CLDN16: variants seen among roughly 807,000 people sequenced by gnomAD.
CLDN16 encodes the protein claudin-16.
A neutral mutation model predicts 24.6 loss-of-function variants in CLDN16; 13 were observed. The observed-to-expected ratio is 0.53, with a 90% CI of 0.34 to 0.84. The LOEUF is 0.84. Ranked by LOEUF, CLDN16 falls within the 40% of genes least tolerant of loss-of-function variation. The pLI is 0.01. For synonymous variants in CLDN16, 116 were observed against 106.7 expected (o/e 1.09, Z -0.54); for missense variants, 298 against 292.7 (o/e 1.02, Z -0.13).
intron 1 of CLDN16, among the ~76,000 whole-genome samples, chr3:190,349,270 A>G (rs1319948732): frequency 6.6e-6 from 1 of 152,124 alleles, no homozygotes; most frequent in Non-Finnish European, 1.5e-5. Context: ...GTGAGTTCTC[A>G]TAAGAGCTGG....
intron 3 of CLDN16, among the ~76,000 whole-genome samples, chr3:190,406,531 G>C (rs1719100831): frequency 6.6e-6 from 1 of 152,106 alleles, no homozygotes; most frequent in South Asian, 2.1e-4. Flanking sequence ...AGGAATGACT[G>C]AAGAAATAAC....
intron 1 of CLDN16, among the ~76,000 whole-genome samples, chr3:190,389,017 C>T (rs373945840): frequency 6.6e-5 from 10 of 152,172 alleles, no homozygotes; most frequent in Middle Eastern, 3.4e-3. Context: ...TCCCAATGTA[C>T]GGGGGACAGG....
the CLDN16 span, among the ~76,000 whole-genome samples, chr3:190,303,877 C>T: frequency 8.3e-6 from 1 of 120,068 alleles, no homozygotes; most frequent in East Asian, 2.6e-4. Flanking sequence ...TTAACTCCTC[C>T]TTTTCCCCAC....
At chr3:190,308,874 T>C in the CLDN16 span, among the ~76,000 whole-genome samples, 3 of 152,180 alleles carry the variant, frequency 2.0e-5, no homozygotes, top group East Asian at 1.9e-4. Flanking sequence ...AGATGATCCA[T>C]TGGTCCCAGG....
At chr3:190,377,425 G>GTA (rs1718269674) in intron 3 of CLDN16, among the ~76,000 whole-genome samples, 2 of 151,778 alleles carry the variant, frequency 1.3e-5, no homozygotes, top group South Asian at 4.2e-4. Flanking sequence ...ATAAGAGTTT[G>GTA]TACTCTTGGG....
chr3:190,397,131 C>T (rs544977784), intron 1 of CLDN16, among the ~76,000 whole-genome samples: 8 of 152,152 alleles, frequency 5.3e-5, no homozygotes, highest in Non-Finnish European at 1.2e-4. Flanking sequence ...AATCTCTACA[C>T]ATTTTTGGCA....
intron 1 of CLDN16, among the ~76,000 whole-genome samples, chr3:190,347,951 A>G (rs1717587103): frequency 6.6e-6 from 1 of 151,910 alleles, no homozygotes; most frequent in Non-Finnish European, 1.5e-5. Flanking sequence ...TCGGTAGAAG[A>G]TGAGACCATG....
At chr3:190,331,534 T>C (rs1240707912) in intron 1 of CLDN16, among the ~76,000 whole-genome samples, 9 of 152,176 alleles carry the variant, frequency 5.9e-5, no homozygotes, top group Non-Finnish European at 7.4e-5. Context: ...AAAAATTCAG[T>C]TCCTCTGTTG....
chr3:190,396,655 T>C (rs1353342880), intron 1 of CLDN16, among the ~76,000 whole-genome samples: 2 of 152,152 alleles, frequency 1.3e-5, no homozygotes, highest in Non-Finnish European at 2.9e-5. Flanking sequence ...TAAATATAGT[T>C]TGAAGAATAA....
At chr3:190,300,549 G>A in the CLDN16 span, among the ~76,000 whole-genome samples, 6 of 152,156 alleles carry the variant, frequency 3.9e-5, no homozygotes, top group African/African-American at 9.7e-5. Flanking sequence ...TTCGAAGAAC[G>A]ATACAAGCGA....
chr3:190,298,596 C>G, the CLDN16 span, among the ~76,000 whole-genome samples: 1 of 152,062 alleles, frequency 6.6e-6, no homozygotes, highest in Non-Finnish European at 1.5e-5. Flanking sequence ...GCTGGAATTA[C>G]AGGCATGTGC....
intron 1 of CLDN16, among the ~76,000 whole-genome samples, chr3:190,357,122 A>T (rs1560086626): frequency 6.6e-6 from 1 of 151,948 alleles, no homozygotes; most frequent in East Asian, 1.9e-4. Flanking sequence ...TTTGGAACTC[A>T]AAAAGAAGTC....
At chr3:190,409,375 A>G (rs907228871) in intron 4 of CLDN16, among the ~76,000 whole-genome samples, 1 of 151,882 alleles carries the variant, frequency 6.6e-6, no homozygotes, top group Non-Finnish European at 1.5e-5. Context: ...ATACAATTAT[A>G]CCTTTATAAT....
chr3:190,313,885 A>G, the CLDN16 span, among the ~76,000 whole-genome samples: 1 of 152,174 alleles, frequency 6.6e-6, no homozygotes, highest in African/African-American at 2.4e-5. Context: ...TTAAAGAGTA[A>G]AAACTTGATG....
chr3:190,323,563 G>C (rs56192155), intron 1 of CLDN16, among the ~76,000 whole-genome samples: 15,115 of 152,192 alleles, frequency 0.099, 918 homozygotes, highest in East Asian at 0.22. Flanking sequence ...TGGTGCGAGT[G>C]TGGTGGGAGG....
chr3:190,389,378 A>G (rs1445941370), intron 1 of CLDN16, among the ~76,000 whole-genome samples: 5 of 152,246 alleles, frequency 3.3e-5, no homozygotes, highest in Non-Finnish European at 7.3e-5. Flanking sequence ...AGCAAATGCT[A>G]TAATGTCACC....
At chr3:190,375,127 G>T (rs577315137) in intron 3 of CLDN16, among the ~76,000 whole-genome samples, 13 of 152,042 alleles carry the variant, frequency 8.6e-5, no homozygotes, top group African/African-American at 3.1e-4. Context: ...ATTCAGAAGG[G>T]ATGTTTAAAC....
chr3:190,343,680 G>T (rs971243595), intron 1 of CLDN16, among the ~76,000 whole-genome samples: 2 of 152,102 alleles, frequency 1.3e-5, no homozygotes, highest in African/African-American at 4.8e-5. Context: ...AGGGCATTAT[G>T]CTACGTGAAG....
rs1258586230 is a variant in CLDN16, at chr3:190,411,343, G to A, written c.*1307G>A. 2 of 152,032 alleles carry A rather than the reference G, an allele frequency of 1.3e-5. No individual in the cohort carries two copies. Among genetic ancestry groups the A allele is most frequent in the Non-Finnish European group, 2.9e-5 (2 of 67,996 alleles). The allele number at this position is 152,032 out of a possible 1,614,324, so 9.4% of individuals were successfully genotyped here. A position where few individuals can be genotyped will look rare whatever the true frequency, so the allele number is the denominator to read the frequency against. On this transcript the variant is annotated 3_prime_UTR_variant, in exon 5 of 5. Transcript: ENST00000264734. Reference sequence around the variant, plus strand: ...ATATAGAATTACATATACATTTAACGAAGTCGCTAATGACATTTCATTCAT... The same window carrying A: ...ATATAGAATTACATATACATTTAACAAAGTCGCTAATGACATTTCATTCAT...
Sources: gnomAD v4.1 joint callset for allele counts (sites outside exome capture counted in the v4.1 genomes callset) on GRCh38, gnomAD v4.1.1 for gene constraint, MANE v1.5 for transcripts, NCBI Gene and HGNC (gene_info 2026-07-23, HGNC 2026-07-21) for gene names.